CPNE4: variants seen among roughly 807,000 people sequenced by gnomAD.
CPNE4 encodes the protein copine 4.
In CPNE4, 25 loss-of-function variants were observed where a neutral mutation model predicts 67.9. That is an observed-to-expected ratio of 0.37 (90% CI 0.27 to 0.51). The LOEUF (loss-of-function observed/expected upper bound fraction) is 0.51, where lower values mean the gene tolerates loss of function less well. Among genes scored for constraint, CPNE4 ranks in the 20% least tolerant of loss-of-function variants. The pLI is 0.93. For synonymous variants in CPNE4, 242 were observed against 244.9 expected (o/e 0.99, Z 0.11); for missense variants, 464 against 690.8 (o/e 0.67, Z 3.68).
intron 2 of CPNE4, among the ~76,000 whole-genome samples, chr3:131,849,865 C>A: frequency 6.6e-6 from 1 of 152,124 alleles, no homozygotes; most frequent in Middle Eastern, 3.2e-3. Flanking sequence ...AAATAAAGTC[C>A]TATTCCTGTG....
chr3:131,934,004 G>A (rs1434914596), intron 1 of CPNE4, among the ~76,000 whole-genome samples: 1 of 152,130 alleles, frequency 6.6e-6, no homozygotes, highest in African/African-American at 2.4e-5. Context: ...TAGAACATGA[G>A]AGAGATGAAA....
At chr3:131,798,913 A>T (rs1251285903) in intron 2 of CPNE4, among the ~76,000 whole-genome samples, 3 of 152,296 alleles carry the variant, frequency 2.0e-5, no homozygotes, top group Non-Finnish European at 4.4e-5. Flanking sequence ...ACTTTTTAAA[A>T]AAAACCACAA....
At chr3:131,561,847 G>A (rs557813320) in intron 11 of CPNE4, among the ~76,000 whole-genome samples, 1 of 152,164 alleles carries the variant, frequency 6.6e-6, no homozygotes, top group African/African-American at 2.4e-5. Context: ...ACACAAAAGA[G>A]AAACAGCGGA....
At chr3:132,010,608 A>G (rs2073734309) in intron 1 of CPNE4, among the ~76,000 whole-genome samples, 1 of 152,158 alleles carries the variant, frequency 6.6e-6, no homozygotes, top group Admixed American at 6.5e-5. Flanking sequence ...GTGGCCAGGC[A>G]TAACCCCAGT....
rs1013302064 is a variant in CPNE4 at position 131,780,185 on chromosome 3, T to C, written c.181-56560A>G. Reference sequence around the variant, plus strand: ...TATTAAAAAGTCAAAAAATAACAGATGCTGGCAAGGTTGTAGAAGAAAGGA... The same window carrying C: ...TATTAAAAAGTCAAAAAATAACAGACGCTGGCAAGGTTGTAGAAGAAAGGA... On this transcript the variant is annotated intron_variant, in intron 2 of 15. Coordinates refer to ENST00000429747, the MANE Select transcript of CPNE4 (RefSeq NM_130808.3). Among the ~76,000 whole-genome samples, 4 of 152,098 alleles carry C rather than the reference T, an allele frequency of 2.6e-5. No homozygotes were observed. The South Asian group carries it at 8.3e-4, about 31-fold the overall frequency.
intron 1 of CPNE4, among the ~76,000 whole-genome samples, chr3:131,920,627 T>TAC (rs2070714192): frequency 2.7e-5 from 4 of 146,698 alleles, no homozygotes; most frequent in Non-Finnish European, 4.5e-5. Context: ...ACATTTTAAA[T>TAC]ACAAAAAAAA....
intron 5 of CPNE4, 61 bp from the exon 6 acceptor site, chr3:131,686,019 ATC>A: frequency 1.1e-6 from 1 of 895,510 alleles, no homozygotes; most frequent in Non-Finnish European, 1.8e-6. Context: ...GTCCTGATCA[ATC>A]AGGAATATTT....
intron 7 of CPNE4, chr3:131,620,328 G>T: frequency 3.8e-6 from 1 of 265,968 alleles, no homozygotes; most frequent in Non-Finnish European, 5.8e-6. Context: ...GTTTCTTGGA[G>T]CAAGAAGTGA....
chr3:131,623,204 C>G (rs535290318), intron 7 of CPNE4, among the ~76,000 whole-genome samples: 1 of 151,594 alleles, frequency 6.6e-6, no homozygotes, highest in East Asian at 1.9e-4. Flanking sequence ...TCACTAAACT[C>G]TACTGTAGTG....
intron 1 of CPNE4, among the ~76,000 whole-genome samples, chr3:131,970,216 C>T (rs1881907): frequency 0.061 from 9,335 of 152,252 alleles, 410 homozygotes; most frequent in Admixed American, 0.14. Context: ...TGAAGCTTCA[C>T]TTATCTGTGT....
At chr3:131,822,859 A>T (rs111590504) in intron 2 of CPNE4, among the ~76,000 whole-genome samples, 2,810 of 152,208 alleles carry the variant, frequency 0.018, 34 homozygotes, top group Non-Finnish European at 0.03. Flanking sequence ...TATTTTCTAG[A>T]TGGAATCTTG....
In CPNE4 at chr3:131,792,696, C is replaced by G. The variant is rs13094349; in HGVS notation, c.181-69071G>C. Among the ~76,000 whole-genome samples, 2 of 44,542 alleles carry G rather than the reference C, an allele frequency of 4.5e-5. 1 individual carries two copies. The highest frequency in any genetic ancestry group is 1.3e-3 in the East Asian group (2 of 1,506). 29.2% of individuals were successfully genotyped at this position (44,542 alleles called of 152,430 possible). ...ACATATATACACACGTGTATATATA[C>G]ATATACACACACGTGTATATATGTA... On this transcript the variant is annotated intron_variant, in intron 2 of 15. Coordinates refer to ENST00000429747, the MANE Select transcript of CPNE4 (RefSeq NM_130808.3).
intron 1 of CPNE4, among the ~76,000 whole-genome samples, chr3:131,916,716 G>A (rs529886030): frequency 1.3e-5 from 2 of 152,250 alleles, no homozygotes; most frequent in South Asian, 2.1e-4. Context: ...ACAATACAGC[G>A]GCTACTAGTA....
chr3:131,815,488 T>C (rs1176195167), intron 2 of CPNE4, among the ~76,000 whole-genome samples: 1 of 152,174 alleles, frequency 6.6e-6, no homozygotes. Flanking sequence ...CTTGATAACA[T>C]TTAGAGCAAT....
chr3:131,976,763 A>C (rs1353308547), intron 1 of CPNE4, among the ~76,000 whole-genome samples: 1 of 152,198 alleles, frequency 6.6e-6, no homozygotes, highest in Non-Finnish European at 1.5e-5. Flanking sequence ...AACACTAAAA[A>C]AAATTAATAA....
At chr3:131,633,922 T>A in intron 7 of CPNE4, among the ~76,000 whole-genome samples, 1 of 152,170 alleles carries the variant, frequency 6.6e-6, no homozygotes, top group East Asian at 1.9e-4. Context: ...TTATTTAAAT[T>A]GTTCTACTAT....
chr3:131,736,713 T>G (rs1227568374), intron 2 of CPNE4, among the ~76,000 whole-genome samples: 8 of 152,058 alleles, frequency 5.3e-5, no homozygotes, highest in Non-Finnish European at 1.5e-5. Flanking sequence ...ATTGTTTTAC[T>G]TGAACCATGG....
intron 1 of CPNE4, among the ~76,000 whole-genome samples, chr3:131,972,805 C>T (rs1272824756): frequency 7.2e-5 from 11 of 152,154 alleles, no homozygotes; most frequent in Admixed American, 2.6e-4. Flanking sequence ...ATTCTACTTC[C>T]TCCTCCATAA....
rs958651669 is a variant in CPNE4, at chr3:131,678,433, C to A, written c.591+7442G>T. 2.0e-5 allele frequency among the ~76,000 whole-genome samples: 3 copies of A among 152,154 alleles called. No homozygotes were observed. In the East Asian group the frequency reaches 5.8e-4, roughly 29 times the overall value. On this transcript the variant is annotated intron_variant, in intron 6 of 15. Transcript: ENST00000429747. Reference sequence around the variant, plus strand: ...CTATTTGAATGCCCTTTATTTCTTTCTCTCGCCTGATTGCTCTGTCAAGAA... The same window carrying A: ...CTATTTGAATGCCCTTTATTTCTTTATCTCGCCTGATTGCTCTGTCAAGAA...
Sources: gnomAD v4.1 joint callset for allele counts (sites outside exome capture counted in the v4.1 genomes callset) on GRCh38, gnomAD v4.1.1 for gene constraint, MANE v1.5 for transcripts, NCBI Gene and HGNC (gene_info 2026-07-23, HGNC 2026-07-21) for gene names.